CMIP: variants seen among roughly 807,000 people sequenced by gnomAD.
CMIP encodes the protein C-Maf-inducing protein.
Under a neutral mutation model 97.3 loss-of-function variants are expected in CMIP, and 13 were observed. The observed-to-expected ratio is 0.13, with a 90% CI of 0.09 to 0.21. The LOEUF (loss-of-function observed/expected upper bound fraction) is 0.21. Ranked by LOEUF, CMIP falls within the 10% of genes least tolerant of loss-of-function variation. CMIP has a pLI of 1.00. For synonymous variants in CMIP, 538 were observed against 436.3 expected (o/e 1.23, Z -2.91); for missense variants, 847 against 1,024.9 (o/e 0.83, Z 2.37).
At chr16:81,564,683 C>G (rs2090947915) in intron 1 of CMIP, among the ~76,000 whole-genome samples, 2 of 152,172 alleles carry the variant, frequency 1.3e-5, no homozygotes, top group Admixed American at 1.3e-4. Flanking sequence ...TTTAAACAAG[C>G]AAGCCTGGGT....
chr16:81,637,701 G>A (rs2092254253), intron 3 of CMIP, among the ~76,000 whole-genome samples: 1 of 152,162 alleles, frequency 6.6e-6, no homozygotes, highest in Non-Finnish European at 1.5e-5. Context: ...GCAGGCTGGT[G>A]GGGGAGGCAG....
intron 1 of CMIP, among the ~76,000 whole-genome samples, chr16:81,516,808 G>C (rs1212660935): frequency 6.6e-6 from 1 of 152,222 alleles, no homozygotes; most frequent in Non-Finnish European, 1.5e-5. Flanking sequence ...TCTCATGTTT[G>C]CATAGACACA....
intron 1 of CMIP, among the ~76,000 whole-genome samples, chr16:81,504,662 A>AAAAAAAG (rs2089674627): frequency 7.0e-6 from 1 of 142,596 alleles, no homozygotes; most frequent in African/African-American, 2.5e-5. Flanking sequence ...AAAAAAAAAA[A>AAAAAAAG]AAAAGAAAAG....
chr16:81,710,988 C>T lies in CMIP; in HGVS notation c.*1189C>T, dbSNP rs1406080803. On this transcript the variant is annotated 3_prime_UTR_variant, in exon 21 of 21. Transcript: ENST00000537098. Reference sequence around the variant, plus strand: ...GTCTCTTGGGAAAAGAGAGATGTGTCGCCTCCGCCAGTCCGACTGCCCTCC... The same window carrying T: ...GTCTCTTGGGAAAAGAGAGATGTGTTGCCTCCGCCAGTCCGACTGCCCTCC... The T allele has an allele frequency of 1.1e-4, 17 of 152,064 alleles. No homozygotes were observed. Among genetic ancestry groups the T allele is most frequent in the Admixed American group, 9.8e-4 (15 of 15,258 alleles). The allele number at this position is 152,064 out of a possible 1,614,324, so 9.4% of individuals were successfully genotyped here. A position where few individuals can be genotyped will look rare whatever the true frequency, so the allele number is the denominator to read the frequency against.
Position 81,706,330 on chromosome 16 carries a change from G to A in CMIP, c.2198-684G>A, listed in dbSNP as rs559391536. On this transcript the variant is annotated intron_variant, in intron 19 of 20. Transcript: ENST00000537098. ...AGATTTGTGGGAGTTGGCCAAGGGG[G>A]AGGCACCCTGAGCAGGGGCCATGAC... Among the ~76,000 whole-genome samples, 9 of 152,338 alleles carry A rather than the reference G, an allele frequency of 5.9e-5. No individual in the cohort carries two copies. The East Asian group carries it at 1.7e-3, about 29-fold the overall frequency.
At chr16:81,645,023 G>A (rs761764072) in intron 3 of CMIP, among the ~76,000 whole-genome samples, 16 of 152,344 alleles carry the variant, frequency 1.1e-4, no homozygotes, top group Admixed American at 4.6e-4. Context: ...AGCATTCTGC[G>A]ATGATGAAAA....
chr16:81,689,616 C>G (rs1241620220), intron 10 of CMIP, among the ~76,000 whole-genome samples: 7 of 152,196 alleles, frequency 4.6e-5, no homozygotes, highest in Non-Finnish European at 8.8e-5. Flanking sequence ...CCTTTTCACT[C>G]TGATGGTGGT....
chr16:81,445,123 ACC>A lies in CMIP; in HGVS notation c.-113_-112del. On this transcript the variant is annotated 5_prime_UTR_variant, in exon 1 of 21. Transcript: ENST00000537098. The stretch of plus-strand genomic sequence containing the variant: ...CCCCTGCGGGCGCCCCCAGCCCCAC[ACC>A]CCCCCACCTTCCCGGGGGGTGGGGG... The A allele has an allele frequency of 2.5e-6, 1 of 406,674 alleles. No individual in the cohort carries two copies. The allele number at this position is 406,674 out of a possible 1,614,324, so 25.2% of individuals were successfully genotyped here.
chr16:81,445,538 C>T lies in CMIP; in HGVS notation c.297C>T (p.Ala99=). 6.5e-7 allele frequency: 1 copy of T among 1,546,528 alleles called. No individual in the cohort carries two copies. The highest frequency in any genetic ancestry group is 8.7e-7 in the Non-Finnish European group (1 of 1,146,478). ...TGGCCGACAACAGCCTGGCGTCCGC[C>T]ACGGTGAGTGGCTCTGCGCGGCTGC... ...LTLADNSLAS[A]TPTGYMENSV... is the part of the protein sequence containing the mutation. The change falls in exon 1 of 21, where the codon GCC becomes GCT. Residue 99 remains alanine, a synonymous_variant. Transcript: ENST00000537098.
chr16:81,662,227 G>A (rs1322178485), intron 6 of CMIP, among the ~76,000 whole-genome samples: 4 of 152,138 alleles, frequency 2.6e-5, no homozygotes, highest in African/African-American at 9.7e-5. Flanking sequence ...TGCCTCTCAA[G>A]CTTAGGATTT....
At chr16:81,672,734 C>T (rs2092694339) in intron 9 of CMIP, among the ~76,000 whole-genome samples, 1 of 152,176 alleles carries the variant, frequency 6.6e-6, no homozygotes, top group Admixed American at 6.5e-5. Context: ...TGCCACCACT[C>T]ATGGCTAATA....
At chr16:81,550,962 C>T (rs1251686567) in intron 1 of CMIP, among the ~76,000 whole-genome samples, 6 of 145,176 alleles carry the variant, frequency 4.1e-5, no homozygotes, top group South Asian at 2.2e-4. Flanking sequence ...ACCCCAGTCC[C>T]GTCACACGCA....
In CMIP at chr16:81,553,525, C is replaced by T. The variant is rs552016325; in HGVS notation, c.301-54042C>T. ...TCCAAACAGAGCCCACTGCCTGTCC[C>T]GGCGCCAGCTTCGAACAGGGGAGGC... On this transcript the variant is annotated intron_variant, in intron 1 of 20. Transcript: ENST00000537098. 2.6e-5 allele frequency among the ~76,000 whole-genome samples: 4 copies of T among 152,302 alleles called. No individual in the cohort carries two copies. The East Asian group carries it at 5.8e-4, about 22-fold the overall frequency.
intron 4 of CMIP, among the ~76,000 whole-genome samples, chr16:81,654,964 G>T (rs1372029340): frequency 6.6e-6 from 1 of 152,220 alleles, no homozygotes; most frequent in Non-Finnish European, 1.5e-5. Flanking sequence ...AAGTTGCTAG[G>T]CCTTTCTGTG....
Position 81,670,212 on chromosome 16 carries a change from C to A in CMIP, c.896C>A (p.Ala299Glu). 6.2e-7 allele frequency: 1 copy of A among 1,611,530 alleles called. No individual in the cohort carries two copies. Among genetic ancestry groups the A allele is most frequent in the Non-Finnish European group, 8.5e-7 (1 of 1,178,994 alleles). The change falls in exon 8 of 21, where the codon GCG (alanine) becomes GAG (glutamate). Residue 299 changes from alanine (A) to glutamate (E), a missense_variant. Coordinates refer to ENST00000537098, the MANE Select transcript of CMIP (RefSeq NM_198390.3). ...ATCCTTGCCTTGAACGAGCTCAACGCGGGGATGGAAGTGGTGAAGAAGTTC... is the reference window on the plus strand; with the variant it reads ...ATCCTTGCCTTGAACGAGCTCAACGAGGGGATGGAAGTGGTGAAGAAGTTC... Reference protein sequence around the residue: ...EYILALNELNAGMEVVKKFIQ... With the variant: ...EYILALNELNEGMEVVKKFIQ...
At chr16:81,565,874 T>C (rs2090973268) in intron 1 of CMIP, among the ~76,000 whole-genome samples, 1 of 152,200 alleles carries the variant, frequency 6.6e-6, no homozygotes, top group Admixed American at 6.5e-5. Flanking sequence ...AGCCCTGTGT[T>C]GGGCTGGCGC....
intron 8 of CMIP, among the ~76,000 whole-genome samples, chr16:81,670,765 G>A (rs931545934): frequency 2.0e-5 from 3 of 152,092 alleles, no homozygotes; most frequent in Admixed American, 6.5e-5. Context: ...ACAACACATG[G>A]AGAATGCTGC....
At chr16:81,691,696 G>T in intron 10 of CMIP, 79 bp from the exon 11 acceptor site, 1 of 1,141,502 alleles carries the variant, frequency 8.8e-7, no homozygotes, top group Non-Finnish European at 1.3e-6. Flanking sequence ...CCCATCTTTT[G>T]GCCCATCTGG....
intron 1 of CMIP, chr16:81,476,145 G>A (rs945402009): frequency 9.6e-7 from 1 of 1,041,898 alleles, no homozygotes; most frequent in East Asian, 2.4e-5. Context: ...GAGACCACGT[G>A]CTTGCGTTCA....
Sources: gnomAD v4.1 joint callset for allele counts (sites outside exome capture counted in the v4.1 genomes callset) on GRCh38, gnomAD v4.1.1 for gene constraint, MANE v1.5 for transcripts, NCBI Gene and HGNC (gene_info 2026-07-23, HGNC 2026-07-21) for gene names.